DDR2: variants seen among roughly 807,000 people sequenced by gnomAD.
DDR2 encodes the protein discoidin domain receptor tyrosine kinase 2, also known as discoidin domain-containing receptor 2.
Under a neutral mutation model 94.9 loss-of-function variants are expected in DDR2, and 27 were observed. The ratio of observed to expected loss-of-function variants is 0.28; its 90% CI spans 0.21 to 0.39. The LOEUF (loss-of-function observed/expected upper bound fraction) is 0.39, where lower values mean the gene tolerates loss of function less well. DDR2 is among the 10% of genes least tolerant of loss of function. DDR2 has a pLI of 1.00. For synonymous variants in DDR2, 382 were observed against 377.2 expected (o/e 1.01, Z -0.15); for missense variants, 783 against 1,076.0 (o/e 0.73, Z 3.81).
chr1:162,771,798 T>A (rs2102185093), intron 12 of DDR2, among the ~76,000 whole-genome samples: 1 of 152,350 alleles, frequency 6.6e-6, no homozygotes, highest in Admixed American at 6.5e-5. Context: ...AATTTGTTAA[T>A]GATCATGTAT....
chr1:162,761,558 G>T (rs2102156822), intron 9 of DDR2, 104 bp downstream of exon 9: 1 of 1,565,336 alleles, frequency 6.4e-7, no homozygotes, highest in East Asian at 2.2e-5. Context: ...GAGTGGGATT[G>T]TACAGGCAGC....
intron 2 of DDR2, among the ~76,000 whole-genome samples, chr1:162,681,421 C>T: frequency 6.6e-6 from 1 of 152,090 alleles, no homozygotes; most frequent in Admixed American, 6.5e-5. Context: ...ATTAATTAGG[C>T]CACTCAGGCC....
chr1:162,735,503 G>A (rs1040800669), intron 3 of DDR2, among the ~76,000 whole-genome samples: 7 of 152,146 alleles, frequency 4.6e-5, no homozygotes, highest in Non-Finnish European at 7.3e-5. Flanking sequence ...GATAATTAGC[G>A]TTGCTAATGA....
In DDR2 at chr1:162,633,735, C is replaced by T. The variant is rs190273896; in HGVS notation, c.-192+1104C>T. ...CGTTAATTATCAGTAATAGAGAGGA[C>T]GCCAATGGCGGCTCATCAGCTAATG... On this transcript the variant is annotated intron_variant, in intron 1 of 17. Coordinates refer to ENST00000367921, the MANE Select transcript of DDR2 (RefSeq NM_006182.4). 1.8e-4 allele frequency among the ~76,000 whole-genome samples: 28 copies of T among 152,304 alleles called. No individual in the cohort carries two copies. The East Asian group carries it at 4.0e-3, about 22-fold the overall frequency.
chr1:162,692,196 C>T (rs1023765445), intron 2 of DDR2, among the ~76,000 whole-genome samples: 5 of 152,226 alleles, frequency 3.3e-5, no homozygotes, highest in African/African-American at 7.2e-5. Context: ...CTCCCACCAC[C>T]GTTTAGAAAG....
chr1:162,671,875 CCCTATCATA>C (rs1157630216), intron 2 of DDR2, among the ~76,000 whole-genome samples: 1 of 152,186 alleles, frequency 6.6e-6, no homozygotes, highest in Non-Finnish European at 1.5e-5. Flanking sequence ...GACCTACCTT[CCCTATCATA>C]CCTACCAGTC....
chr1:162,765,923 A>T (rs975971752), intron 9 of DDR2, 78 bp from the exon 10 acceptor site: 1 of 1,284,232 alleles, frequency 7.8e-7, no homozygotes, highest in Non-Finnish European at 1.1e-6. Context: ...GTAATGTGCT[A>T]GGTCACAATA....
At position 162,664,099 on chromosome 1, in the gene DDR2, C is replaced by T. The variant is rs557572099; in HGVS notation, c.-28+8725C>T. On this transcript the variant is annotated intron_variant, in intron 2 of 17. Coordinates refer to ENST00000367921, the MANE Select transcript of DDR2 (RefSeq NM_006182.4). ...TAGGAGAAAGCAACAGTGCAAAATG[C>T]GGGGAAGGGCTGAGTAGACATTCAA... Among the ~76,000 whole-genome samples, 280 of 152,068 alleles carry T rather than the reference C, an allele frequency of 1.8e-3. 6 individuals carry two copies. Among genetic ancestry groups the T allele is most frequent in the African/African-American group, 6.2e-3 (256 of 41,486 alleles).
intron 8 of DDR2, 104 bp from the exon 9 acceptor site, chr1:162,761,107 T>C: frequency 6.6e-7 from 1 of 1,520,510 alleles, no homozygotes; most frequent in Non-Finnish European, 9.1e-7. Flanking sequence ...CAGTTCAGAA[T>C]AGCTCGAATC....
intron 2 of DDR2, among the ~76,000 whole-genome samples, chr1:162,716,705 T>G (rs1661183718): frequency 6.6e-6 from 1 of 151,900 alleles, no homozygotes; most frequent in Non-Finnish European, 1.5e-5. Context: ...CTGACTACAT[T>G]GCTTTTTTTT....
At chr1:162,772,669 G>A (rs1380068429) in intron 13 of DDR2, among the ~76,000 whole-genome samples, 3 of 151,880 alleles carry the variant, frequency 2.0e-5, no homozygotes, top group East Asian at 1.9e-4. Flanking sequence ...AAACAACCTC[G>A]CCCCTGCCTT....
At chr1:162,675,285 T>G (rs1659075079) in intron 2 of DDR2, among the ~76,000 whole-genome samples, 1 of 152,092 alleles carries the variant, frequency 6.6e-6, no homozygotes, top group African/African-American at 2.4e-5. Context: ...GTAGCAGGGA[T>G]GGGGATGCAC....
intron 2 of DDR2, among the ~76,000 whole-genome samples, chr1:162,697,039 C>T (rs557604219): frequency 3.3e-5 from 5 of 151,878 alleles, no homozygotes; most frequent in South Asian, 2.1e-4. Flanking sequence ...TCTCATTCTG[C>T]GTAGGGGGTG....
At chr1:162,748,601 C>T (rs2102111656) in intron 3 of DDR2, among the ~76,000 whole-genome samples, 3 of 152,308 alleles carry the variant, frequency 2.0e-5, no homozygotes, top group Middle Eastern at 6.8e-3. Context: ...ATCAACAAGA[C>T]AGAAAGTTAA....
chr1:162,770,065 G>A (rs1230126659), intron 11 of DDR2, among the ~76,000 whole-genome samples: 2 of 151,954 alleles, frequency 1.3e-5, no homozygotes, highest in Admixed American at 1.3e-4. Context: ...GTTTCAGAAA[G>A]CACATCATAG....
chr1:162,775,965 G>A, intron 15 of DDR2, 122 bp downstream of exon 15: 1 of 1,426,018 alleles, frequency 7.0e-7, no homozygotes, highest in Non-Finnish European at 9.8e-7. Flanking sequence ...AAGTCAGTGT[G>A]CAGGGAATAA....
intron 2 of DDR2, among the ~76,000 whole-genome samples, chr1:162,690,990 A>G (rs114082123): frequency 1.4e-4 from 22 of 152,208 alleles, no homozygotes; most frequent in Non-Finnish European, 2.6e-4. Context: ...ATAAAACTTT[A>G]CTCATTCCTT....
chr1:162,757,722 T>C (rs1452419241), intron 7 of DDR2, among the ~76,000 whole-genome samples: 1 of 152,114 alleles, frequency 6.6e-6, no homozygotes, highest in Admixed American at 6.6e-5. Flanking sequence ...AAAGGTTAGA[T>C]TGGAATGGAA....
rs572506907 is a variant in DDR2 at position 162,779,715 on chromosome 1, A to G, written c.2434-397A>G. 2.6e-5 allele frequency among the ~76,000 whole-genome samples: 4 copies of G among 152,294 alleles called. No homozygotes were observed. In the South Asian group the frequency reaches 8.3e-4, roughly 32 times the overall value. ...GAAAATTTACTCCTGAGTACATGAG[A>G]TAAGTGAGTGGGCCAAAGAAAAATG... On this transcript the variant is annotated intron_variant, in intron 17 of 17. Transcript: ENST00000367921.
Sources: gnomAD v4.1 joint callset for allele counts (sites outside exome capture counted in the v4.1 genomes callset) on GRCh38, gnomAD v4.1.1 for gene constraint, MANE v1.5 for transcripts, NCBI Gene and HGNC (gene_info 2026-07-23, HGNC 2026-07-21) for gene names.